TMPRSS11D: variants seen among roughly 807,000 people sequenced by gnomAD.
The protein encoded by TMPRSS11D is transmembrane serine protease 11D, also known as transmembrane protease serine 11D.
In TMPRSS11D, 32 loss-of-function variants were observed where a neutral mutation model predicts 44.4. The observed-to-expected ratio is 0.72, with a 90% confidence interval of 0.54 to 0.97. The LOEUF is 0.97. Ranked by LOEUF, TMPRSS11D falls within the 50% of genes least tolerant of loss-of-function variation. The pLI, the probability that TMPRSS11D is intolerant of heterozygous loss-of-function variation, is 0.00. For synonymous variants in TMPRSS11D, 179 were observed against 177.9 expected, an observed-to-expected ratio of 1.01 and a Z score of -0.05; for missense variants, 446 against 502.6, an observed-to-expected ratio of 0.89 and a Z score of 1.08.
At chr4:67,855,864 A>G (rs900515961) in intron 2 of TMPRSS11D, among the ~76,000 whole-genome samples, 3 of 152,214 alleles carry the variant, frequency 2.0e-5, no homozygotes, top group Non-Finnish European at 2.9e-5. Context: ...GCAGGATACA[A>G]ACTCAACATA....
chr4:67,854,328 A>C, intron 2 of TMPRSS11D, 142 bp from the exon 3 acceptor site: 1 of 482,828 alleles, frequency 2.1e-6, no homozygotes, highest in South Asian at 3.4e-5. Flanking sequence ...CTTCAGTGTA[A>C]TTATGATAAA....
intron 6 of TMPRSS11D, 146 bp downstream of exon 6, chr4:67,834,937 T>C: frequency 1.4e-6 from 1 of 725,168 alleles, no homozygotes; most frequent in East Asian, 2.8e-5. Flanking sequence ...GGATCAGCAC[T>C]GTCTTGTTTC....
intron 5 of TMPRSS11D, among the ~76,000 whole-genome samples, chr4:67,836,862 A>C (rs555714410): frequency 1.4e-4 from 22 of 152,204 alleles, no homozygotes; most frequent in African/African-American, 4.1e-4. Context: ...TTGCCTTTTC[A>C]TGCTTTCCTT....
intron 2 of TMPRSS11D, among the ~76,000 whole-genome samples, chr4:67,854,404 G>C: frequency 6.6e-6 from 1 of 151,934 alleles, no homozygotes; most frequent in East Asian, 1.9e-4. Flanking sequence ...TTAAAAATCA[G>C]AGTGGTATTA....
At chr4:67,872,720 A>G (rs1218036782) in intron 1 of TMPRSS11D, among the ~76,000 whole-genome samples, 1 of 152,174 alleles carries the variant, frequency 6.6e-6, no homozygotes, top group African/African-American at 2.4e-5. Flanking sequence ...GTGGACTTAA[A>G]CTTCCAGAAC....
Position 67,854,067 on chromosome 4 carries a change from C to G in TMPRSS11D, c.249+1G>C, listed in dbSNP as rs1166636558. On this transcript the variant is annotated splice_donor_variant, in intron 3 of 9. Coordinates refer to ENST00000283916, the MANE Select transcript of TMPRSS11D (RefSeq NM_004262.3). LOFTEE classifies it high-confidence loss of function. The stretch of plus-strand genomic sequence containing the variant: ...AAGAGCAAAGACAAATATTAACTTA[C>G]CAGAGATTCAATTCTTCCACTCAAA... 3 of 1,473,800 alleles carry G rather than the reference C, an allele frequency of 2.0e-6. No homozygotes were observed. The highest frequency in any genetic ancestry group is 2.4e-5 in the East Asian group (1 of 41,420). 91.3% of individuals were successfully genotyped at this position (1,473,800 alleles called of 1,614,324 possible).
rs762224372 is a variant in TMPRSS11D at position 67,883,998 on chromosome 4, T to C, written c.-65A>G. 4.6e-5 allele frequency: 66 copies of C among 1,446,544 alleles called. 1 individual carries two copies. The highest frequency in any genetic ancestry group is 3.9e-4 in the South Asian group (32 of 83,104). The allele number at this position is 1,446,544 out of a possible 1,614,324, so 89.6% of individuals were successfully genotyped here. A position where few individuals can be genotyped will look rare whatever the true frequency, so the allele number is the denominator to read the frequency against. Reference sequence around the variant, plus strand: ...AACTGCTTTGAGATTCCCACTCAAATGAATGACTCTCATGTATTACGTGTG... The same window carrying C: ...AACTGCTTTGAGATTCCCACTCAAACGAATGACTCTCATGTATTACGTGTG... On this transcript the variant is annotated 5_prime_UTR_variant, in exon 1 of 10. Coordinates refer to ENST00000283916, the MANE Select transcript of TMPRSS11D (RefSeq NM_004262.3).
chr4:67,873,333 G>C (rs1719105886), intron 1 of TMPRSS11D, among the ~76,000 whole-genome samples: 1 of 152,158 alleles, frequency 6.6e-6, no homozygotes, highest in Non-Finnish European at 1.5e-5. Context: ...TTCTGCAGGA[G>C]AGGAATGGGG....
chr4:67,869,781 C>T (rs940459753), intron 1 of TMPRSS11D, among the ~76,000 whole-genome samples: 2 of 152,150 alleles, frequency 1.3e-5, no homozygotes, highest in African/African-American at 4.8e-5. Flanking sequence ...AGGACCACAC[C>T]TATTACATTA....
At position 67,858,103 on chromosome 4, in the gene TMPRSS11D, G is replaced by T. The variant is rs76592161; in HGVS notation, c.130+1454C>A. ...CTGAAACATATCTGTACACAACTCA[G>T]AAATACTATGAAGATGTACATAACC... On this transcript the variant is annotated intron_variant, in intron 2 of 9. Transcript: ENST00000283916. 1.1e-3 allele frequency among the ~76,000 whole-genome samples: 169 copies of T among 152,294 alleles called. 1 individual carries two copies. The East Asian group carries it at 0.031, about 28-fold the overall frequency.
intron 2 of TMPRSS11D, among the ~76,000 whole-genome samples, chr4:67,857,032 G>C (rs1000144675): frequency 6.6e-6 from 1 of 151,998 alleles, no homozygotes; most frequent in East Asian, 1.9e-4. Flanking sequence ...TACACTGTTG[G>C]TGGAAATGTA....
At chr4:67,847,878 A>G (rs1227560154) in intron 3 of TMPRSS11D, among the ~76,000 whole-genome samples, 3 of 151,992 alleles carry the variant, frequency 2.0e-5, no homozygotes, top group African/African-American at 7.2e-5. Flanking sequence ...ATGACTGTGA[A>G]CTCCACCGTG....
intron 1 of TMPRSS11D, among the ~76,000 whole-genome samples, chr4:67,865,982 C>T (rs1289493721): frequency 4.6e-5 from 7 of 152,014 alleles, no homozygotes; most frequent in Admixed American, 2.0e-4. Flanking sequence ...GGAATCTTTC[C>T]GAACTCATTC....
At chr4:67,853,445 T>A (rs1010760090) in intron 3 of TMPRSS11D, among the ~76,000 whole-genome samples, 1 of 152,036 alleles carries the variant, frequency 6.6e-6, no homozygotes, top group Non-Finnish European at 1.5e-5. Flanking sequence ...TTCTTAGGAC[T>A]TTTTTTTGAA....
At chr4:67,842,850 AGGCT>A (rs1359297445) in intron 3 of TMPRSS11D, among the ~76,000 whole-genome samples, 1 of 152,230 alleles carries the variant, frequency 6.6e-6, no homozygotes, top group African/African-American at 2.4e-5. Context: ...GATGCTGGAC[AGGCT>A]GGTTTTTTGC....
At chr4:67,871,012 T>C (rs150475309) in intron 1 of TMPRSS11D, among the ~76,000 whole-genome samples, 10 of 152,312 alleles carry the variant, frequency 6.6e-5, no homozygotes, top group Admixed American at 1.3e-4. Flanking sequence ...TCATTAATAA[T>C]GCCTTTATTT....
In TMPRSS11D at chr4:67,821,751, T is replaced by C. The variant is rs1717648756; in HGVS notation, c.*586A>G. 1 of 152,170 alleles carries C rather than the reference T, an allele frequency of 6.6e-6. No individual in the cohort carries two copies. The highest frequency in any genetic ancestry group is 2.1e-4 in the South Asian group (1 of 4,832). 9.4% of individuals were successfully genotyped at this position (152,170 alleles called of 1,614,324 possible). ...ATCCACTATTTCCTATGGAAGCATG[T>C]TCTTACAGAATAATTAAGGTTAGGT... On this transcript the variant is annotated 3_prime_UTR_variant, in exon 10 of 10. Transcript: ENST00000283916.
chr4:67,881,790 A>C (rs532226183), intron 1 of TMPRSS11D, among the ~76,000 whole-genome samples: 18 of 152,340 alleles, frequency 1.2e-4, no homozygotes, highest in Admixed American at 3.9e-4. Context: ...TCTTGAGCAC[A>C]GACAAAAGGG....
chr4:67,877,091 GTA>G (rs1337629754), intron 1 of TMPRSS11D, among the ~76,000 whole-genome samples: 5 of 152,114 alleles, frequency 3.3e-5, no homozygotes, highest in African/African-American at 1.2e-4. Context: ...CGGGCGATAG[GTA>G]TGAGGATTCA....
Sources: gnomAD v4.1 joint callset for allele counts (sites outside exome capture counted in the v4.1 genomes callset) on GRCh38, gnomAD v4.1.1 for gene constraint, MANE v1.5 for transcripts, NCBI Gene and HGNC (gene_info 2026-07-23, HGNC 2026-07-21) for gene names.